MYT1L: variants seen among roughly 807,000 people sequenced by gnomAD.
The protein encoded by MYT1L is myelin transcription factor 1 like.
In MYT1L, 12 loss-of-function variants were observed where a neutral mutation model predicts 126.7. That is an observed-to-expected ratio of 0.09 (90% CI 0.06 to 0.15). The LOEUF is 0.15. Among genes scored for constraint, MYT1L ranks in the 10% least tolerant of loss-of-function variants. The pLI is 1.00. For missense variants in MYT1L, 979 were observed against 1,585.2 expected (o/e 0.62, Z 6.49); for synonymous variants, 541 against 604.2 (o/e 0.90, Z 1.53).
chr2:2,281,774 C>A (rs2095450008), intron 2 of MYT1L, among the ~76,000 whole-genome samples: 1 of 152,140 alleles, frequency 6.6e-6, no homozygotes, highest in African/African-American at 2.4e-5. Context: ...TCTCCAGAGG[C>A]TGAAAGTAAA....
At chr2:1,813,529 G>C (rs2037049280) in intron 21 of MYT1L, among the ~76,000 whole-genome samples, 1 of 152,208 alleles carries the variant, frequency 6.6e-6, no homozygotes, top group South Asian at 2.1e-4. Flanking sequence ...TACAGGTGGA[G>C]GTGGGCAGTG....
chr2:2,117,829 C>G (rs977098241), intron 3 of MYT1L, among the ~76,000 whole-genome samples: 1 of 151,952 alleles, frequency 6.6e-6, no homozygotes, highest in African/African-American at 2.4e-5. Context: ...CTGGAGACAA[C>G]CCCCAAAATA....
intron 22 of MYT1L, among the ~76,000 whole-genome samples, chr2:1,808,019 T>A (rs575554175): frequency 1.3e-5 from 2 of 152,204 alleles, no homozygotes; most frequent in Admixed American, 6.5e-5. Context: ...GCTCTGCACT[T>A]CTCTCTCCTG....
intron 18 of MYT1L, among the ~76,000 whole-genome samples, chr2:1,870,804 C>T (rs35959552): frequency 0.012 from 1,819 of 152,306 alleles, 26 homozygotes; most frequent in South Asian, 0.025. Flanking sequence ...TGAAAAGCAG[C>T]ATTACAATTT....
rs1016699228 is a variant in MYT1L at position 1,801,117 on chromosome 2, G to A, written c.3276+579C>T. 4 of 152,474 alleles carry A rather than the reference G, an allele frequency of 2.6e-5. No homozygotes were observed. Among genetic ancestry groups the A allele is most frequent in the African/African-American group, 4.8e-5 (2 of 41,458 alleles). The allele number at this position is 152,474 out of a possible 1,614,324, so 9.4% of individuals were successfully genotyped here. ...AGGAAGCTGCCTCTCCATCTTAGAA[G>A]CTGTATGTTTAAGATGAGGCTGAGG... On this transcript the variant is annotated intron_variant, in intron 23 of 24. Coordinates refer to ENST00000647738, the MANE Select transcript of MYT1L (RefSeq NM_001303052.2). This position sits in a 1 kb window ranked among gnomAD's most constrained non-coding sequence, Gnocchi z 4.2.
intron 18 of MYT1L, among the ~76,000 whole-genome samples, chr2:1,859,459 A>C (rs943330642): frequency 6.6e-6 from 1 of 152,214 alleles, no homozygotes; most frequent in African/African-American, 2.4e-5. Flanking sequence ...GTTGCTCAGA[A>C]CGTGCAAGGG....
rs569455132 is a variant in MYT1L at position 2,117,667 on chromosome 2, G to A, written c.-304+55205C>T. 8.5e-5 allele frequency among the ~76,000 whole-genome samples: 13 copies of A among 152,228 alleles called. No individual in the cohort carries two copies. In the South Asian group the frequency reaches 1.0e-3, roughly 12 times the overall value. ...CCTTATATTCTAAACAGCATAATAC[G>A]TTCATTAATTATATTAACTTAACGG... On this transcript the variant is annotated intron_variant, in intron 3 of 24. Coordinates refer to ENST00000647738, the MANE Select transcript of MYT1L (RefSeq NM_001303052.2).
chr2:2,279,564 T>TGAAG (rs1553619839), intron 2 of MYT1L, among the ~76,000 whole-genome samples: 90 of 121,676 alleles, frequency 7.4e-4, no homozygotes, highest in South Asian at 5.5e-3. Flanking sequence ...AAGGAATGAA[T>TGAAG]GAATGAAGGA....
chr2:1,853,843 A>C (rs2043578757), intron 18 of MYT1L, among the ~76,000 whole-genome samples: 1 of 152,214 alleles, frequency 6.6e-6, no homozygotes, highest in African/African-American at 2.4e-5. Flanking sequence ...TATTATAGCC[A>C]AATAATTCAG....
chr2:2,201,239 G>A (rs2093057813), intron 2 of MYT1L, among the ~76,000 whole-genome samples: 1 of 146,842 alleles, frequency 6.8e-6, no homozygotes, highest in South Asian at 2.1e-4. Context: ...TCAATTACTG[G>A]AGACTGTTTT....
intron 3 of MYT1L, among the ~76,000 whole-genome samples, chr2:2,072,748 T>A (rs7607919): frequency 0.086 from 13,056 of 152,208 alleles, 644 homozygotes; most frequent in Non-Finnish European, 0.11. Flanking sequence ...CAAGATCTGA[T>A]GGTTTTATAA....
intron 19 of MYT1L, chr2:1,841,325 G>A (rs111290504): frequency 0.037 from 5,159 of 138,462 alleles, 171 homozygotes; most frequent in South Asian, 0.068. Flanking sequence ...CACCACGCCC[G>A]GCTAATTTTT....
chr2:1,960,750 C>T (rs951340351), intron 8 of MYT1L, among the ~76,000 whole-genome samples: 2 of 150,770 alleles, frequency 1.3e-5, no homozygotes, highest in Non-Finnish European at 1.5e-5. Flanking sequence ...AGGCTTCTCT[C>T]GGGTGCTCAT....
intron 3 of MYT1L, among the ~76,000 whole-genome samples, chr2:2,126,083 A>G (rs1335777734): frequency 6.6e-6 from 1 of 152,174 alleles, no homozygotes; most frequent in Non-Finnish European, 1.5e-5. Flanking sequence ...AGGGGAGAGT[A>G]GGGGCGGGAT....
rs1287150372 is a variant in MYT1L at position 1,801,893 on chromosome 2, A to C, written c.3173-94T>G. The C allele has an allele frequency of 4.1e-6, 3 of 727,680 alleles. No individual in the cohort carries two copies. Among genetic ancestry groups the C allele is most frequent in the Non-Finnish European group, 6.6e-6 (3 of 456,520 alleles). 45.1% of individuals were successfully genotyped at this position (727,680 alleles called of 1,614,324 possible). On this transcript the variant is annotated intron_variant, in intron 22 of 24. Transcript: ENST00000647738. The surrounding 1 kb of genome is among the most constrained non-coding windows in gnomAD (Gnocchi z 4.2). ...CTTTCTTTGTTCCTTTTATATTCGT[A>C]ATTGAATTTGCTTGGAAAATAGACT...
intron 3 of MYT1L, among the ~76,000 whole-genome samples, chr2:2,128,006 T>C (rs185477786): frequency 6.6e-6 from 1 of 152,362 alleles, no homozygotes; most frequent in Non-Finnish European, 1.5e-5. Flanking sequence ...AATGAAATAA[T>C]GTATGTGAAA....
At chr2:1,960,598 G>A (rs559458519) in intron 8 of MYT1L, among the ~76,000 whole-genome samples, 1 of 152,332 alleles carries the variant, frequency 6.6e-6, no homozygotes, top group African/African-American at 2.4e-5. Context: ...CTCCTGCTGA[G>A]TGTTTCAGCC....
chr2:2,058,856 C>T (rs963845679), intron 3 of MYT1L, among the ~76,000 whole-genome samples: 19 of 152,200 alleles, frequency 1.2e-4, no homozygotes, highest in African/African-American at 4.6e-4. Flanking sequence ...TCAGTGACAT[C>T]TGTGTCTTGT....
chr2:2,046,006 T>A (rs1481825763), intron 4 of MYT1L, among the ~76,000 whole-genome samples: 1 of 152,208 alleles, frequency 6.6e-6, no homozygotes, highest in Non-Finnish European at 1.5e-5. Flanking sequence ...CCTTTTCAGA[T>A]TCAACACATT....
Sources: gnomAD v4.1 joint callset for allele counts (sites outside exome capture counted in the v4.1 genomes callset) on GRCh38, gnomAD v4.1.1 for gene constraint, Gnocchi (gnomAD v3.1) non-coding constraint, MANE v1.5 for transcripts, NCBI Gene and HGNC (gene_info 2026-07-23, HGNC 2026-07-21) for gene names.